The following SORCS1 variants were observed in gnomAD, a reference collection of about 807,000 sequenced individuals.
SORCS1 encodes the protein sortilin related VPS10 domain containing receptor 1, also known as VPS10 domain-containing receptor SorCS1.
In SORCS1, 60 loss-of-function variants were observed where a neutral mutation model predicts 146.1. The observed-to-expected ratio is 0.41, with a 90% CI of 0.33 to 0.51. The LOEUF (loss-of-function observed/expected upper bound fraction) is 0.51, where lower values mean the gene tolerates loss of function less well. Ranked by LOEUF, SORCS1 falls within the 20% of genes least tolerant of loss-of-function variation. The pLI is 0.21. For synonymous variants in SORCS1, 637 were observed against 584.0 expected (o/e 1.09, Z -1.31); for missense variants, 1,352 against 1,487.6 (o/e 0.91, Z 1.50).
At chr10:106,733,885 T>G (rs1274966893) in intron 5 of SORCS1, among the ~76,000 whole-genome samples, 2 of 152,204 alleles carry the variant, frequency 1.3e-5, no homozygotes, top group Non-Finnish European at 2.9e-5. Context: ...CATAATGATT[T>G]GCTACATGTC....
At chr10:106,683,641 C>A (rs1339300944) in intron 10 of SORCS1, among the ~76,000 whole-genome samples, 4 of 152,202 alleles carry the variant, frequency 2.6e-5, no homozygotes, top group Admixed American at 2.6e-4. Flanking sequence ...TTCTCCTCAG[C>A]CTCTGTATCA....
chr10:106,665,609 A>C (rs1449889715), intron 17 of SORCS1, among the ~76,000 whole-genome samples: 1 of 152,150 alleles, frequency 6.6e-6, no homozygotes, highest in Admixed American at 6.5e-5. Flanking sequence ...ACCCATCTCC[A>C]AAAATTATCA....
intron 1 of SORCS1, among the ~76,000 whole-genome samples, chr10:107,015,050 C>T (rs1957842261): frequency 6.6e-6 from 1 of 152,192 alleles, no homozygotes; most frequent in African/African-American, 2.4e-5. Context: ...CTTGTGAACA[C>T]TGACTTCTCT....
intron 18 of SORCS1, among the ~76,000 whole-genome samples, chr10:106,630,110 C>G (rs892100925): frequency 2.0e-5 from 3 of 152,092 alleles, no homozygotes; most frequent in Admixed American, 1.3e-4. Context: ...TGGTAATGGA[C>G]CACTCCACTT....
intron 1 of SORCS1, among the ~76,000 whole-genome samples, chr10:107,112,575 T>C (rs1442067000): frequency 2.0e-5 from 3 of 152,044 alleles, no homozygotes; most frequent in Admixed American, 6.6e-5. Flanking sequence ...AATGTAACTC[T>C]CTAAAGATAC....
upstream of SORCS1, among the ~76,000 whole-genome samples, chr10:107,167,205 C>A (rs1197981049): frequency 6.6e-6 from 1 of 152,184 alleles, no homozygotes; most frequent in African/African-American, 2.4e-5. Context: ...CTCTGCTCCC[C>A]GTTTACTTTT....
intron 1 of SORCS1, among the ~76,000 whole-genome samples, chr10:107,159,557 C>T (rs949236091): frequency 3.9e-4 from 59 of 151,984 alleles, no homozygotes; most frequent in African/African-American, 1.4e-3. Flanking sequence ...TCCACGATGT[C>T]GCCTCCTGAG....
chr10:107,072,591 C>A (rs1483906333), intron 1 of SORCS1, among the ~76,000 whole-genome samples: 1 of 150,852 alleles, frequency 6.6e-6, no homozygotes, highest in African/African-American at 2.5e-5. Context: ...ACATATATTT[C>A]TATATACATA....
At chr10:106,993,123 C>T (rs1956843457) in intron 1 of SORCS1, among the ~76,000 whole-genome samples, 1 of 152,128 alleles carries the variant, frequency 6.6e-6, no homozygotes, top group Non-Finnish European at 1.5e-5. Context: ...AGCCACCACG[C>T]CCAGCCGGGC....
chr10:107,067,390 T>C (rs1026939462), intron 1 of SORCS1, among the ~76,000 whole-genome samples: 1 of 152,014 alleles, frequency 6.6e-6, no homozygotes, highest in African/African-American at 2.4e-5. Context: ...TGGGAAAAGA[T>C]CATATTGGCC....
chr10:106,788,300 A>G (rs1946153655), intron 3 of SORCS1, among the ~76,000 whole-genome samples: 1 of 151,834 alleles, frequency 6.6e-6, no homozygotes, highest in Admixed American at 6.6e-5. Flanking sequence ...GCCCCTCCCA[A>G]ATCTCATGTC....
chr10:106,677,783 A>G (rs1303033170), intron 12 of SORCS1, among the ~76,000 whole-genome samples: 1 of 152,166 alleles, frequency 6.6e-6, no homozygotes, highest in East Asian at 1.9e-4. Context: ...CAATAGTCTC[A>G]TTTTCATAAA....
intron 23 of SORCS1, among the ~76,000 whole-genome samples, chr10:106,601,921 T>C (rs1164631162): frequency 6.6e-6 from 1 of 152,226 alleles, no homozygotes; most frequent in Non-Finnish European, 1.5e-5. Context: ...AGTCCTATCA[T>C]GTACCCTGAA....
At chr10:107,175,133 T>C in the SORCS1 span, among the ~76,000 whole-genome samples, 1 of 152,336 alleles carries the variant, frequency 6.6e-6, no homozygotes, top group African/African-American at 2.4e-5. Flanking sequence ...TTTATTTTAT[T>C]ATAGTGTTGA....
intron 2 of SORCS1, among the ~76,000 whole-genome samples, chr10:106,858,763 G>A (rs1949890143): frequency 6.6e-6 from 1 of 152,114 alleles, no homozygotes; most frequent in Admixed American, 6.5e-5. Flanking sequence ...CCTGATACCT[G>A]GATCTCTATT....
intron 1 of SORCS1, among the ~76,000 whole-genome samples, chr10:107,134,906 G>A (rs1326555708): frequency 6.6e-6 from 1 of 152,212 alleles, no homozygotes; most frequent in East Asian, 1.9e-4. Context: ...AACACACAAG[G>A]AAGAGATTTG....
chr10:107,069,432 G>A (rs896670345), intron 1 of SORCS1, among the ~76,000 whole-genome samples: 9 of 151,800 alleles, frequency 5.9e-5, no homozygotes, highest in African/African-American at 2.2e-4. Flanking sequence ...CTGGAGTGCA[G>A]TAGTGCCATG....
At chr10:107,148,418 T>C (rs549543726) in intron 1 of SORCS1, among the ~76,000 whole-genome samples, 3 of 152,312 alleles carry the variant, frequency 2.0e-5, no homozygotes, top group African/African-American at 7.2e-5. Flanking sequence ...AGATTTTATA[T>C]CAAATAATTT....
chr10:106,991,353 C>T (rs1455797673), intron 1 of SORCS1, among the ~76,000 whole-genome samples: 5 of 152,204 alleles, frequency 3.3e-5, no homozygotes, highest in East Asian at 1.9e-4. Flanking sequence ...ACACCCACAT[C>T]CTGGCCTTTC....
Sources: gnomAD v4.1 joint callset for allele counts (sites outside exome capture counted in the v4.1 genomes callset) on GRCh38, gnomAD v4.1.1 for gene constraint, MANE v1.5 for transcripts, NCBI Gene and HGNC (gene_info 2026-07-23, HGNC 2026-07-21) for gene names.